Variants in ZNF488 observed in about 807,000 individuals in gnomAD.
ZNF488 encodes zinc finger protein 488.
In ZNF488, 1 loss-of-function variant was observed where a neutral mutation model predicts 1.2. That is an observed-to-expected ratio of 0.86 (90% CI 0.30 to 4.07). The LOEUF (loss-of-function observed/expected upper bound fraction) is 4.07. ZNF488 is among the 30% of genes most tolerant of loss of function. The probability of loss-of-function intolerance (pLI) is 0.18; values close to 1 mark genes in which losing one functional copy is unlikely to be tolerated. For missense variants in ZNF488, 450 were observed against 437.9 expected (o/e 1.03, Z -0.25); for synonymous variants, 185 against 190.1 (o/e 0.97, Z 0.22).
intron 1 of ZNF488, among the ~76,000 whole-genome samples, chr10:47,378,556 G>C (rs1396185888): frequency 6.6e-6 from 1 of 152,204 alleles, no homozygotes; most frequent in African/African-American, 2.4e-5. Flanking sequence ...AATATAGCCT[G>C]GGCCAAATCA....
chr10:47,376,087 A>G (rs781977181), intron 1 of ZNF488, among the ~76,000 whole-genome samples: 1 of 152,190 alleles, frequency 6.6e-6, no homozygotes, highest in Admixed American at 6.5e-5. Flanking sequence ...AATAGCATGG[A>G]AGTATTGCTC....
rs548475386 is a variant in ZNF488 at position 47,367,438 on chromosome 10, T to C, written c.*369A>G. 2.3e-4 allele frequency: 58 copies of C among 251,322 alleles called. No homozygotes were observed. The Admixed American group carries it at 2.5e-3, about 11-fold the overall frequency. 15.6% of individuals were successfully genotyped at this position (251,322 alleles called of 1,614,324 possible). On this transcript the variant is annotated 3_prime_UTR_variant, in exon 2 of 2. Coordinates refer to ENST00000585316, the MANE Select transcript of ZNF488 (RefSeq NM_153034.4). Reference sequence around the variant, plus strand: ...CATCTCCATTTCACAGATGAGAAAATGGGGACTCAGCAGGTTAAAGCTCTT... The same window carrying C: ...CATCTCCATTTCACAGATGAGAAAACGGGGACTCAGCAGGTTAAAGCTCTT...
chr10:47,373,308 G>A (rs10736370), intron 1 of ZNF488, among the ~76,000 whole-genome samples: 89,987 of 152,026 alleles, frequency 0.59, 28,035 homozygotes, highest in East Asian at 0.88. Flanking sequence ...AGAGAGCACG[G>A]CACTGTATTT....
In ZNF488 at chr10:47,368,280, C is replaced by A; in HGVS notation, c.550G>T (p.Glu184Ter). ...PELTSVFPAGESADALGELSG... is the reference protein window; with the variant it reads ...PELTSVFPAG ...AGCTCCCCCAGGGCATCTGCAGATT[C>A]CCCTGCAGGGAAGACTGAGGTTAGC... Residue 184 changes from glutamate (E) to a stop codon, truncating the protein, a stop_gained, in exon 2 of 2, where the codon GAA becomes TAA. Transcript: ENST00000585316. LOFTEE classifies it low-confidence loss of function (END_TRUNC). 6.2e-7 allele frequency: 1 copy of A among 1,614,234 alleles called. No homozygotes were observed. The highest frequency in any genetic ancestry group is 8.5e-7 in the Non-Finnish European group (1 of 1,180,040).
At position 47,368,191 on chromosome 10, in the gene ZNF488, C is replaced by T. The variant is rs1460075025; in HGVS notation, c.639G>A (p.Leu213=). Residue 213 remains leucine, a synonymous_variant, in exon 2 of 2, where the codon TTG becomes TTA. Transcript: ENST00000585316. The part of the protein sequence containing the change: ...CWGRLSTPKL[L]VGDLWNLQAL... The stretch of plus-strand genomic sequence containing the variant: ...CTTGCAAGTTCCACAAATCACCAAC[C>T]AAAAGCTTGGGAGTTGAAAGTCGAC... 6.2e-7 allele frequency: 1 copy of T among 1,614,178 alleles called. No individual in the cohort carries two copies. The highest frequency in any genetic ancestry group is 8.5e-7 in the Non-Finnish European group (1 of 1,180,038).
rs1357707142 is a variant in ZNF488 at position 47,367,143 on chromosome 10, A to G, written c.*664T>C. On this transcript the variant is annotated 3_prime_UTR_variant, in exon 2 of 2. Transcript: ENST00000585316. ...CTCGCTCTGGGTAGCCCACCAGCCG[A>G]AGAAGAAAACGAATATGACTTGATC... 1.8e-5 allele frequency: 3 copies of G among 167,204 alleles called. No homozygotes were observed. Among genetic ancestry groups the G allele is most frequent in the Admixed American group, 6.5e-5 (1 of 15,286 alleles). The allele number at this position is 167,204 out of a possible 1,614,324, so 10.4% of individuals were successfully genotyped here.
At chr10:47,382,968 G>C (rs1328942622) in intron 1 of ZNF488, among the ~76,000 whole-genome samples, 1 of 152,178 alleles carries the variant, frequency 6.6e-6, no homozygotes, top group Non-Finnish European at 1.5e-5. Context: ...GTATTTGTGT[G>C]TGTTTGAACA....
Position 47,366,460 on chromosome 10 carries a change from G to A in ZNF488, c.*1347C>T, listed in dbSNP as rs1555212806. On this transcript the variant is annotated 3_prime_UTR_variant, in exon 2 of 2. Transcript: ENST00000585316. ...GGCTGAGATCCCCACCTGCTCAGCT[G>A]GGCTTATTCCCAGCCACAAGCCTGA... The A allele has an allele frequency of 6.0e-6, 1 of 167,088 alleles. No homozygotes were observed. The highest frequency in any genetic ancestry group is 1.5e-5 in the Non-Finnish European group (1 of 68,202). The allele number at this position is 167,088 out of a possible 1,614,324, so 10.4% of individuals were successfully genotyped here. A position where few individuals can be genotyped will look rare whatever the true frequency, so the allele number is the denominator to read the frequency against.
intron 1 of ZNF488, among the ~76,000 whole-genome samples, chr10:47,381,384 A>T (rs1204608020): frequency 6.6e-6 from 1 of 152,290 alleles, no homozygotes; most frequent in African/African-American, 2.4e-5. Context: ...ATTCCAGAGG[A>T]CAATCATCTA....
At chr10:47,377,346 T>C (rs781970931) in intron 1 of ZNF488, among the ~76,000 whole-genome samples, 14 of 152,242 alleles carry the variant, frequency 9.2e-5, no homozygotes, top group Non-Finnish European at 1.5e-4. Flanking sequence ...TTTTTGAGCT[T>C]ATTTCTCCAG....
At chr10:47,375,989 T>C (rs782126377) in intron 1 of ZNF488, among the ~76,000 whole-genome samples, 36 of 152,308 alleles carry the variant, frequency 2.4e-4, no homozygotes, top group Non-Finnish European at 5.1e-4. Flanking sequence ...GGACTGTTTA[T>C]GGGTAAGATC....
At chr10:47,374,045 C>T (rs759027275) in intron 1 of ZNF488, among the ~76,000 whole-genome samples, 21 of 152,244 alleles carry the variant, frequency 1.4e-4, no homozygotes, top group Non-Finnish European at 2.9e-5. Context: ...TGAGAAACAG[C>T]GTGGGGTGGG....
intron 1 of ZNF488, among the ~76,000 whole-genome samples, chr10:47,381,060 A>G (rs1485425540): frequency 1.3e-5 from 2 of 152,294 alleles, no homozygotes; most frequent in African/African-American, 4.8e-5. Flanking sequence ...CAGCCTGGGC[A>G]TTTTTCTCCT....
intron 1 of ZNF488, among the ~76,000 whole-genome samples, chr10:47,382,193 A>G (rs547211004): frequency 7.2e-5 from 11 of 152,404 alleles, no homozygotes; most frequent in African/African-American, 2.6e-4. Flanking sequence ...AGATAGCAAG[A>G]GCACAAGGAA....
chr10:47,381,396 G>A (rs557961751), intron 1 of ZNF488, among the ~76,000 whole-genome samples: 1 of 152,290 alleles, frequency 6.6e-6, no homozygotes, highest in Non-Finnish European at 1.5e-5. Context: ...AATCATCTAC[G>A]GGCCTTTTCT....
At chr10:47,372,706 G>T (rs1555214009) in intron 1 of ZNF488, among the ~76,000 whole-genome samples, 1 of 152,134 alleles carries the variant, frequency 6.6e-6, no homozygotes, top group African/African-American at 2.4e-5. Context: ...GAAGTCAGGG[G>T]TCACAGGCAG....
At chr10:47,377,914 G>A (rs1169690778) in intron 1 of ZNF488, among the ~76,000 whole-genome samples, 2 of 152,194 alleles carry the variant, frequency 1.3e-5, no homozygotes, top group Non-Finnish European at 2.9e-5. Flanking sequence ...ACCCTCAGGA[G>A]TGCCAGGCCA....
chr10:47,368,815 T>C lies in ZNF488; in HGVS notation c.15A>G (p.Pro5=), dbSNP rs782002058. MPEW[P]PCLSVAPALV... ...GGGCCGGGGCCACAGATAAGCAAGGTGGCCACTCTGGCATTCATCAGTCTT... is the reference window on the plus strand; with the variant it reads ...GGGCCGGGGCCACAGATAAGCAAGGCGGCCACTCTGGCATTCATCAGTCTT... The change falls in exon 2 of 2, where the codon CCA becomes CCG. Residue 5 remains proline, a synonymous_variant. Coordinates refer to ENST00000585316, the MANE Select transcript of ZNF488 (RefSeq NM_153034.4). 6.3e-7 allele frequency: 1 copy of C among 1,589,992 alleles called. No individual in the cohort carries two copies. The highest frequency in any genetic ancestry group is 1.3e-5 in the African/African-American group (1 of 74,464).
intron 1 of ZNF488, among the ~76,000 whole-genome samples, chr10:47,380,799 G>C (rs1023506996): frequency 4.7e-4 from 72 of 152,256 alleles, no homozygotes; most frequent in African/African-American, 1.7e-3. Flanking sequence ...CTTGGGCAAG[G>C]CGTGGGTCCC....
Sources: gnomAD v4.1 joint callset for allele counts (sites outside exome capture counted in the v4.1 genomes callset) on GRCh38, gnomAD v4.1.1 for gene constraint, MANE v1.5 for transcripts, NCBI Gene and HGNC (gene_info 2026-07-23, HGNC 2026-07-21) for gene names.